SPRR2B: variants seen among roughly 807,000 people sequenced by gnomAD.
SPRR2B encodes small proline rich protein 2B.
A neutral mutation model predicts 1.0 loss-of-function variants in SPRR2B; 1 was observed. The ratio of observed to expected loss-of-function variants is 1.01; its 90% CI spans 0.36 to 4.77. The LOEUF is 4.77. SPRR2B is among the 30% of genes most tolerant of loss of function. SPRR2B has a pLI of 0.16. For missense variants in SPRR2B, 53 were observed against 88.7 expected (o/e 0.60, Z 1.62); for synonymous variants, 27 against 33.4 (o/e 0.81, Z 0.66).
chr1:153,074,986 C>T (rs1313865105), upstream of SPRR2B, among the ~76,000 whole-genome samples: 1 of 152,178 alleles, frequency 6.6e-6, no homozygotes, highest in African/African-American at 2.4e-5. Context: ...TAATATTCCC[C>T]ATCCTCATAG....
chr1:153,070,395 A>T lies in SPRR2B; in HGVS notation c.*226T>A. 1 of 821,690 alleles carries T rather than the reference A, an allele frequency of 1.2e-6. No homozygotes were observed. The allele number at this position is 821,690 out of a possible 1,614,324, so 50.9% of individuals were successfully genotyped here. A position where few individuals can be genotyped will look rare whatever the true frequency, so the allele number is the denominator to read the frequency against. ...CTGCTGAAGCTCTGGGAACTGACAA[A>T]GCCAAGGTTCCTTTGCTCAGTCTCC... On this transcript the variant is annotated 3_prime_UTR_variant, in exon 2 of 2. Coordinates refer to ENST00000368755, the MANE Select transcript of SPRR2B (RefSeq NM_001388198.1).
chr1:153,070,597 T>A lies in SPRR2B; in HGVS notation c.*24A>T. The A allele has an allele frequency of 6.2e-7, 1 of 1,607,662 alleles. No individual in the cohort carries two copies. The highest frequency in any genetic ancestry group is 8.5e-7 in the Non-Finnish European group (1 of 1,177,620). On this transcript the variant is annotated 3_prime_UTR_variant, in exon 2 of 2. Transcript: ENST00000368755. ...TGAGCCAATTATCCTTATCCTCTCA[T>A]GCTCCTGATGAATCCTGAAGCTGTT...
the SPRR2B span, among the ~76,000 whole-genome samples, chr1:153,082,385 A>C: frequency 6.6e-6 from 1 of 152,158 alleles, no homozygotes; most frequent in Non-Finnish European, 1.5e-5. Flanking sequence ...ACTCCACCCA[A>C]CTGCAGCAGG....
chr1:153,075,128 G>A (rs906332655), upstream of SPRR2B, among the ~76,000 whole-genome samples: 2 of 152,090 alleles, frequency 1.3e-5, no homozygotes, highest in Admixed American at 1.3e-4. Flanking sequence ...GGTTGATCAC[G>A]AGGTCAGGAG....
At chr1:153,071,048 C>T (rs1342342276) in intron 1 of SPRR2B, among the ~76,000 whole-genome samples, 190 bp from the exon 2 acceptor site, 1 of 128,140 alleles carries the variant, frequency 7.8e-6, no homozygotes, top group Non-Finnish European at 1.9e-5. Context: ...CCTAGGAATT[C>T]CTGCCTTTCC....
chr1:153,070,871 A>T lies in SPRR2B; in HGVS notation c.-19-13T>A, dbSNP rs756789431. 8.1e-7 allele frequency: 1 copy of T among 1,230,724 alleles called. No individual in the cohort carries two copies. Among genetic ancestry groups the T allele is most frequent in the African/African-American group, 1.5e-5 (1 of 68,362 alleles). The allele number at this position is 1,230,724 out of a possible 1,614,324, so 76.2% of individuals were successfully genotyped here. On this transcript the variant is annotated splice_polypyrimidine_tract_variant and intron_variant, in intron 1 of 1. Coordinates refer to ENST00000368755, the MANE Select transcript of SPRR2B (RefSeq NM_001388198.1). ...GGAGTCTCAGGATCTGAAAGAAATG[A>T]TACAACAGTGTTCGTGGGAAGGGAA...
At chr1:153,077,618 T>A in the SPRR2B span, among the ~76,000 whole-genome samples, 1 of 151,878 alleles carries the variant, frequency 6.6e-6, no homozygotes, top group Non-Finnish European at 1.5e-5. Flanking sequence ...TCTTTTTTTT[T>A]CTTTTCTTTT....
the SPRR2B span, among the ~76,000 whole-genome samples, chr1:153,082,825 A>G: frequency 6.6e-6 from 1 of 152,164 alleles, no homozygotes; most frequent in Non-Finnish European, 1.5e-5. Context: ...AAATTAAGCT[A>G]AACCCCCCAA....
the SPRR2B span, among the ~76,000 whole-genome samples, chr1:153,086,495 G>A: frequency 1.3e-5 from 2 of 152,180 alleles, no homozygotes; most frequent in African/African-American, 4.8e-5. Context: ...TTAAATATAT[G>A]TGGACCCAGC....
chr1:153,083,768 A>G, the SPRR2B span, among the ~76,000 whole-genome samples: 18,242 of 152,178 alleles, frequency 0.12, 1,790 homozygotes, highest in East Asian at 0.52. Flanking sequence ...CACCAGGGAC[A>G]CTCCAGTTGG....
At chr1:153,080,356 C>T in the SPRR2B span, among the ~76,000 whole-genome samples, 2 of 152,136 alleles carry the variant, frequency 1.3e-5, no homozygotes, top group East Asian at 3.8e-4. Context: ...CCAACAGCAG[C>T]AGGATACACC....
Position 153,070,817 on chromosome 1 carries a change from C to T in SPRR2B, c.23G>A (p.Cys8Tyr), listed in dbSNP as rs761935856. The T allele has an allele frequency of 1.6e-5, 26 of 1,585,030 alleles. No homozygotes were observed. Among genetic ancestry groups the T allele is most frequent in the Non-Finnish European group, 1.6e-5 (19 of 1,162,816 alleles). ...AGGAGGTGGCTGGCAGGGCTGCTTG[C>T]ACTGCTGCTGTTGATAAGACATCCT... is the stretch of plus-strand genomic sequence containing the variant. MSYQQQQ[C>Y]KQPCQPPPVC... is the part of the protein sequence containing the mutation. The change falls in exon 2 of 2, where the codon TGC (cysteine) becomes TAC (tyrosine). Residue 8 changes from cysteine (C) to tyrosine (Y), a missense_variant. Coordinates refer to ENST00000368755, the MANE Select transcript of SPRR2B (RefSeq NM_001388198.1).
intron 1 of SPRR2B, among the ~76,000 whole-genome samples, 124 bp downstream of exon 1, chr1:153,071,445 T>G (rs1327599740): frequency 6.6e-6 from 1 of 152,232 alleles, no homozygotes; most frequent in Non-Finnish European, 1.5e-5. Flanking sequence ...TCTAATCCTG[T>G]ATTTCCATCC....
At position 153,070,746 on chromosome 1, in the gene SPRR2B, A is replaced by G. The variant is rs1289793523; in HGVS notation, c.94T>C (p.Cys32Arg). The G allele has an allele frequency of 1.2e-6, 2 of 1,606,894 alleles. No homozygotes were observed. Among genetic ancestry groups the G allele is most frequent in the African/African-American group, 2.7e-5 (2 of 74,326 alleles). ...TTTGGTGGTGGGCAGGGCTCAGGGCACTTCGGGGGTGGACATGGCTCTGGG... is the reference window on the plus strand; with the variant it reads ...TTTGGTGGTGGGCAGGGCTCAGGGCGCTTCGGGGGTGGACATGGCTCTGGG... ...KCPEPCPPPK[C>R]PEPCPPPKCP... The change falls in exon 2 of 2, where the codon TGC (cysteine) becomes CGC (arginine). Residue 32 changes from cysteine (C) to arginine (R), a missense_variant. By Grantham distance (180) the Cys-to-Arg change is radical. Coordinates refer to ENST00000368755, the MANE Select transcript of SPRR2B (RefSeq NM_001388198.1).
upstream of SPRR2B, among the ~76,000 whole-genome samples, chr1:153,076,108 A>G (rs1457766413): frequency 6.6e-6 from 1 of 152,164 alleles, no homozygotes; most frequent in East Asian, 1.9e-4. Flanking sequence ...CCTCTAATTT[A>G]GTCTACTGTT....
At position 153,070,383 on chromosome 1, in the gene SPRR2B, G is replaced by A; in HGVS notation, c.*238C>T. ...CTGCAGCTCTTTCTGCTGAAGCTCT[G>A]GGAACTGACAAAGCCAAGGTTCCTT... On this transcript the variant is annotated 3_prime_UTR_variant, in exon 2 of 2. Coordinates refer to ENST00000368755, the MANE Select transcript of SPRR2B (RefSeq NM_001388198.1). 1 of 707,472 alleles carries A rather than the reference G, an allele frequency of 1.4e-6. No individual in the cohort carries two copies. Among genetic ancestry groups the A allele is most frequent in the Non-Finnish European group, 2.2e-6 (1 of 444,490 alleles). The allele number at this position is 707,472 out of a possible 1,614,324, so 43.8% of individuals were successfully genotyped here.
the SPRR2B span, among the ~76,000 whole-genome samples, chr1:153,078,333 A>T: frequency 6.6e-6 from 1 of 151,992 alleles, no homozygotes; most frequent in Admixed American, 6.6e-5. Context: ...TACAAAAGAC[A>T]TGTATATATA....
chr1:153,083,826 G>A, the SPRR2B span, among the ~76,000 whole-genome samples: 6 of 152,356 alleles, frequency 3.9e-5, no homozygotes, highest in East Asian at 1.9e-4. Context: ...GCCAGCTGAC[G>A]TGGAACCCAA....
chr1:153,082,229 G>A, the SPRR2B span, among the ~76,000 whole-genome samples: 214 of 152,024 alleles, frequency 1.4e-3, 5 homozygotes, highest in East Asian at 0.039. Flanking sequence ...TAAATCAGAC[G>A]GTATTGAAAC....
Sources: allele counts gnomAD v4.1 joint callset (sites outside exome capture counted in the v4.1 genomes callset), GRCh38; gene constraint gnomAD v4.1.1; transcripts MANE v1.5; gene names NCBI Gene and HGNC (gene_info 2026-07-23, HGNC 2026-07-21).